MRPL28: variants seen among roughly 807,000 people sequenced by gnomAD.
MRPL28 encodes the protein large ribosomal subunit protein bL28m.
Under a neutral mutation model 26.2 loss-of-function variants are expected in MRPL28, and 25 were observed. The observed-to-expected ratio is 0.95, with a 90% CI of 0.69 to 1.33. The LOEUF (loss-of-function observed/expected upper bound fraction) is 1.33. MRPL28 is among the 40% of genes most tolerant of loss of function. The probability of loss-of-function intolerance (pLI) is 0.00; values close to 1 mark genes in which losing one functional copy is unlikely to be tolerated. For synonymous variants in MRPL28, 227 were observed against 140.1 expected (o/e 1.62, Z -4.38); for missense variants, 432 against 327.2 (o/e 1.32, Z -2.47).
At chr16:367,896 G>A (rs939116922) in intron 5 of MRPL28, 114 bp from the exon 6 acceptor site, 3 of 844,216 alleles carry the variant, frequency 3.6e-6, no homozygotes, top group Non-Finnish European at 5.7e-6. Context: ...AGAGGCCCTG[G>A]AGGGCAGAGT....
intron 2 of MRPL28, chr16:369,621 T>G (rs1450159108): frequency 1.4e-6 from 1 of 717,148 alleles, no homozygotes; most frequent in Admixed American, 2.0e-5. Context: ...CTCCCCCACC[T>G]GCTCTGCTCG....
chr16:369,402 CCTGA>C (rs2141749200), intron 2 of MRPL28, 182 bp from the exon 3 acceptor site: 3 of 717,302 alleles, frequency 4.2e-6, no homozygotes, highest in East Asian at 2.7e-5. Context: ...CGACCCGGGT[CCTGA>C]CTGTGTACCC....
Position 369,375 on chromosome 16 carries a change from C to G in MRPL28, c.289-155G>C, listed in dbSNP as rs1244632450. On this transcript the variant is annotated intron_variant, in intron 2 of 5. Transcript: ENST00000199706. Reference sequence around the variant, plus strand: ...AGAGCTAACTGGGCCGGCCCCCAGCCCAGTGCCGCCCCAGCCCGACCCGGG... The same window carrying G: ...AGAGCTAACTGGGCCGGCCCCCAGCGCAGTGCCGCCCCAGCCCGACCCGGG... 6 of 937,424 alleles carry G rather than the reference C, an allele frequency of 6.4e-6. No individual in the cohort carries two copies. The Admixed American group carries it at 1.0e-4, about 16-fold the overall frequency. The allele number at this position is 937,424 out of a possible 1,614,324, so 58.1% of individuals were successfully genotyped here.
rs997516811 is a variant in MRPL28 at position 369,735 on chromosome 16, C to T, written c.288+196G>A. 4 of 815,942 alleles carry T rather than the reference C, an allele frequency of 4.9e-6. No individual in the cohort carries two copies. The East Asian group carries it at 8.0e-5, about 16-fold the overall frequency. 50.5% of individuals were successfully genotyped at this position (815,942 alleles called of 1,614,324 possible). A position where few individuals can be genotyped will look rare whatever the true frequency, so the allele number is the denominator to read the frequency against. ...GCTCCCCCGGCCTGAGTCACCCCACCTCACCCCTACTTTATCAGTCCTGTT... is the reference window on the plus strand; with the variant it reads ...GCTCCCCCGGCCTGAGTCACCCCACTTCACCCCTACTTTATCAGTCCTGTT... On this transcript the variant is annotated intron_variant, in intron 2 of 5. Transcript: ENST00000199706.
chr16:369,187 G>T lies in MRPL28; in HGVS notation c.322C>A (p.Gln108Lys), dbSNP rs2054292000. ...CTGTAGAACTCTCGCTCAAACAGCT[G>T]TGGCTTCCACACTTTCTTCAGCCTC... The part of the protein sequence containing the change: ...SKRLKKVWKP[Q>K]LFEREFYSEI... Residue 108 changes from glutamine (Q) to lysine (K), a missense_variant, in exon 3 of 6, where the codon CAG (glutamine) becomes AAG (lysine). Gln to Lys is a moderately conservative substitution (Grantham distance 53). Transcript: ENST00000199706. 1 of 1,614,032 alleles carries T rather than the reference G, an allele frequency of 6.2e-7. No homozygotes were observed. The highest frequency in any genetic ancestry group is 8.5e-7 in the Non-Finnish European group (1 of 1,179,952).
chr16:368,286 A>G (rs535763668), intron 5 of MRPL28, 42 bp downstream of exon 5: 1 of 1,602,194 alleles, frequency 6.2e-7, no homozygotes, highest in East Asian at 2.2e-5. Flanking sequence ...CCTGAACACC[A>G]GGCTCTGGGC....
chr16:368,754 G>C (rs773868534), intron 3 of MRPL28, 119 bp from the exon 4 acceptor site: 13 of 1,443,690 alleles, frequency 9.0e-6, no homozygotes, highest in African/African-American at 1.4e-5. Flanking sequence ...GAGAAGGCCC[G>C]GGTGGGGCCG....
rs1283087737 is a variant in MRPL28, at chr16:367,217, GA to G, written c.*457del. 2.0e-5 allele frequency among the ~76,000 whole-genome samples: 3 copies of G among 151,046 alleles called. No homozygotes were observed. Among genetic ancestry groups the G allele is most frequent in the African/African-American group, 7.3e-5 (3 of 41,042 alleles). On this transcript the variant is annotated 3_prime_UTR_variant, in exon 6 of 6. Coordinates refer to ENST00000199706, the MANE Select transcript of MRPL28 (RefSeq NM_006428.5). Reference sequence around the variant, plus strand: ...AAGACTCCGTCTCAAAAAAAGAAAAGAAAAAAAAACACAAAACACAGAATTG... The same window carrying G: ...AAGACTCCGTCTCAAAAAAAGAAAAGAAAAAAAACACAAAACACAGAATTG...
Position 369,095 on chromosome 16 carries a change from AG to A in MRPL28, c.413del (p.Ala138ValfsTer24). On this transcript the variant is annotated frameshift_variant, in exon 3 of 6. Transcript: ENST00000199706. LOFTEE classifies it high-confidence loss of function. ...TGAGGATGTAAAAGTCGAGCCCATAAGCCTCATCGATGAGGTCCAGGGTCCG... is the reference window on the plus strand; with the variant it reads ...TGAGGATGTAAAAGTCGAGCCCATAACCTCATCGATGAGGTCCAGGGTCCG... ...TMRTLDLIDE[A>X]YGLDFYILKT... 6.2e-7 allele frequency: 1 copy of A among 1,613,930 alleles called. No individual in the cohort carries two copies. Among genetic ancestry groups the A allele is most frequent in the Non-Finnish European group, 8.5e-7 (1 of 1,179,920 alleles).
chr16:367,802 A>G lies in MRPL28; in HGVS notation c.664-20T>C. On this transcript the variant is annotated intron_variant, in intron 5 of 5. Transcript: ENST00000199706. Reference sequence around the variant, plus strand: ...AGGGTCCTGAAGGAGAGAGGGGCTCATGGTGAGGCCAGGGAAGCCCAGGGC... The same window carrying G: ...AGGGTCCTGAAGGAGAGAGGGGCTCGTGGTGAGGCCAGGGAAGCCCAGGGC... The G allele has an allele frequency of 6.2e-7, 1 of 1,606,376 alleles. No homozygotes were observed. The highest frequency in any genetic ancestry group is 8.5e-7 in the Non-Finnish European group (1 of 1,173,736).
chr16:369,071 G>C lies in MRPL28; in HGVS notation c.438C>G (p.Leu146=). 6.2e-7 allele frequency: 1 copy of C among 1,613,530 alleles called. No homozygotes were observed. ...DEAYGLDFYI[L]KTPKEDLCSK... is the part of the protein sequence containing the mutation. ...TGACTCGCCCCACCCCGCTTGCCTTGAGGATGTAAAAGTCGAGCCCATAAG... is the reference window on the plus strand; with the variant it reads ...TGACTCGCCCCACCCCGCTTGCCTTCAGGATGTAAAAGTCGAGCCCATAAG... Residue 146 remains leucine (L), a synonymous_variant, in exon 3 of 6, where the codon CTC becomes CTG. Transcript: ENST00000199706.
chr16:367,797 G>A lies in MRPL28; in HGVS notation c.664-15C>T, dbSNP rs764586835. ...GGTACAGGGTCCTGAAGGAGAGAGG[G>A]GCTCATGGTGAGGCCAGGGAAGCCC... On this transcript the variant is annotated splice_polypyrimidine_tract_variant and intron_variant, in intron 5 of 5. Transcript: ENST00000199706. 2 of 1,609,552 alleles carry A rather than the reference G, an allele frequency of 1.2e-6. No individual in the cohort carries two copies. The highest frequency in any genetic ancestry group is 1.7e-6 in the Non-Finnish European group (2 of 1,176,586).
intron 3 of MRPL28, 34 bp downstream of exon 3, chr16:369,034 C>T: frequency 1.2e-6 from 2 of 1,606,092 alleles, no homozygotes; most frequent in Non-Finnish European, 8.5e-7. Context: ...CCATCCCAGA[C>T]CCTGTGTGCA....
At chr16:368,258 G>T in intron 5 of MRPL28, 70 bp downstream of exon 5, 2 of 1,555,912 alleles carry the variant, frequency 1.3e-6, no homozygotes, top group Non-Finnish European at 1.8e-6. Flanking sequence ...CTCTCTCCAA[G>T]GCAGCACACT....
chr16:369,589 G>A, intron 2 of MRPL28: 2 of 610,782 alleles, frequency 3.3e-6, no homozygotes, highest in Non-Finnish European at 6.2e-6. Context: ...TCCACCACAA[G>A]CAGCCTCGAA....
chr16:368,708 C>T, intron 3 of MRPL28, 73 bp from the exon 4 acceptor site: 24 of 1,509,512 alleles, frequency 1.6e-5, no homozygotes, highest in Non-Finnish European at 2.1e-5. Flanking sequence ...ACCCACCTGG[C>T]TCCTCTCTAG....
At position 366,995 on chromosome 16, in the gene MRPL28, G is replaced by A. The variant is rs548279807; in HGVS notation, c.*680C>T. On this transcript the variant is annotated 3_prime_UTR_variant, in exon 6 of 6. Coordinates refer to ENST00000199706, the MANE Select transcript of MRPL28 (RefSeq NM_006428.5). ...GGTTGAGGCAGGTGGGTCACCTGAG[G>A]TCAGGAGTTCAAGCCCAGCCTGGCC... Among the ~76,000 whole-genome samples, 52 of 152,298 alleles carry A rather than the reference G, an allele frequency of 3.4e-4. No individual in the cohort carries two copies. Among genetic ancestry groups the A allele is most frequent in the East Asian group, 1.9e-3 (10 of 5,176 alleles).
chr16:369,048 A>T lies in MRPL28; in HGVS notation c.441+20T>A. The stretch of plus-strand genomic sequence containing the variant: ...CCCATCCCAGACCCTGTGTGCACTG[A>T]CTCGCCCCACCCCGCTTGCCTTGAG... On this transcript the variant is annotated intron_variant, in intron 3 of 5. Coordinates refer to ENST00000199706, the MANE Select transcript of MRPL28 (RefSeq NM_006428.5). 6.2e-7 allele frequency: 1 copy of T among 1,610,734 alleles called. No homozygotes were observed. Among genetic ancestry groups the T allele is most frequent in the Non-Finnish European group, 8.5e-7 (1 of 1,178,840 alleles).
rs2054269286 is a variant in MRPL28, at chr16:367,439, G to A, written c.*236C>T. 4.2e-6 allele frequency: 3 copies of A among 714,734 alleles called. No individual in the cohort carries two copies. In the East Asian group the frequency reaches 8.1e-5, roughly 19 times the overall value. The allele number at this position is 714,734 out of a possible 1,614,324, so 44.3% of individuals were successfully genotyped here. A position where few individuals can be genotyped will look rare whatever the true frequency, so the allele number is the denominator to read the frequency against. On this transcript the variant is annotated 3_prime_UTR_variant, in exon 6 of 6. Coordinates refer to ENST00000199706, the MANE Select transcript of MRPL28 (RefSeq NM_006428.5). Reference sequence around the variant, plus strand: ...TCGCTCCCGGCCCCACGGGCACAAGGAACACTGCCGCAAACGTCGGGGCCC... The same window carrying A: ...TCGCTCCCGGCCCCACGGGCACAAGAAACACTGCCGCAAACGTCGGGGCCC...
Sources: gnomAD v4.1 joint callset for allele counts (sites outside exome capture counted in the v4.1 genomes callset) on GRCh38, gnomAD v4.1.1 for gene constraint, MANE v1.5 for transcripts, NCBI Gene and HGNC (gene_info 2026-07-23, HGNC 2026-07-21) for gene names.